SLC39A9: variants seen among roughly 807,000 people sequenced by gnomAD.
SLC39A9 encodes the protein zinc transporter ZIP9.
Under a neutral mutation model 28.4 loss-of-function variants are expected in SLC39A9, and 14 were observed. That is an observed-to-expected ratio of 0.49 (90% confidence interval 0.33 to 0.77). The LOEUF (loss-of-function observed/expected upper bound fraction) is 0.77, where lower values mean the gene tolerates loss of function less well. Among genes scored for constraint, SLC39A9 ranks in the 30% least tolerant of loss-of-function variants. The probability of loss-of-function intolerance (pLI) is 0.02; values close to 1 mark genes in which losing one functional copy is unlikely to be tolerated. For missense variants in SLC39A9, 283 were observed against 381.1 expected, an observed-to-expected ratio of 0.74 and a Z score of 2.14; for synonymous variants, 119 against 149.6, an observed-to-expected ratio of 0.80 and a Z score of 1.49.
At chr14:69,458,323 C>T in intron 6 of SLC39A9, 40 bp from the exon 7 acceptor site, 1 of 1,605,182 alleles carries the variant, frequency 6.2e-7, no homozygotes, top group Admixed American at 1.7e-5. Flanking sequence ...CTGAATTTTA[C>T]TTGACTTAGT....
intron 1 of SLC39A9, among the ~76,000 whole-genome samples, chr14:69,401,236 C>T (rs549140347): frequency 6.6e-6 from 1 of 152,280 alleles, no homozygotes; most frequent in African/African-American, 2.4e-5. Context: ...ACCAGTATTT[C>T]CTAGAGGCAA....
rs958638314 is a variant in SLC39A9 at position 69,437,146 on chromosome 14, C to T, written c.206-4923C>T. ...CCTCCCAAAGTGCTGGGATTACAAG[C>T]GTGAGCCACCGCGCCCGGCCTGGGA... On this transcript the variant is annotated intron_variant, in intron 2 of 6. Transcript: ENST00000336643. Among the ~76,000 whole-genome samples, 4 of 152,122 alleles carry T rather than the reference C, an allele frequency of 2.6e-5. No homozygotes were observed. The South Asian group carries it at 6.2e-4, about 24-fold the overall frequency.
At chr14:69,444,381 G>A (rs760158329) in intron 3 of SLC39A9, among the ~76,000 whole-genome samples, 2 of 152,028 alleles carry the variant, frequency 1.3e-5, no homozygotes, top group South Asian at 2.1e-4. Context: ...ACAGATAATC[G>A]CAATAAGATA....
chr14:69,408,958 A>AT (rs1229398567), intron 1 of SLC39A9, among the ~76,000 whole-genome samples: 4 of 152,340 alleles, frequency 2.6e-5, no homozygotes, highest in Non-Finnish European at 4.4e-5. Context: ...GTCAACTGAT[A>AT]TGTCAGGTTC....
At chr14:69,401,249 G>T (rs1184512718) in intron 1 of SLC39A9, among the ~76,000 whole-genome samples, 2 of 152,168 alleles carry the variant, frequency 1.3e-5, no homozygotes, top group African/African-American at 4.8e-5. Context: ...AGAGGCAAAG[G>T]TTGGGTCGGG....
chr14:69,434,233 A>G (rs1884635641), intron 2 of SLC39A9, among the ~76,000 whole-genome samples: 1 of 149,852 alleles, frequency 6.7e-6, no homozygotes, highest in Non-Finnish European at 1.5e-5. Flanking sequence ...ACAGGCGCCC[A>G]CCACCGCGTC....
chr14:69,448,236 A>C (rs1387625341), intron 3 of SLC39A9, among the ~76,000 whole-genome samples: 3 of 137,646 alleles, frequency 2.2e-5, no homozygotes, highest in African/African-American at 2.7e-5. Context: ...AAAAAAAAGC[A>C]CAAAAAAAAA....
At chr14:69,435,238 C>G (rs1026237755) in intron 2 of SLC39A9, among the ~76,000 whole-genome samples, 17 of 152,084 alleles carry the variant, frequency 1.1e-4, no homozygotes, top group Admixed American at 1.1e-3. Flanking sequence ...GGTTAGGTAC[C>G]TACATGTTTA....
At position 69,460,756 on chromosome 14, in the gene SLC39A9, A is replaced by G. The variant is rs764990856; in HGVS notation, c.*2163A>G. ...GCCTTCCCCTCTGGACCTCACTATT[A>G]ACAAGCAAACCTTTCAGGGCCCTCT... On this transcript the variant is annotated 3_prime_UTR_variant, in exon 7 of 7. Transcript: ENST00000336643. 6 of 985,492 alleles carry G rather than the reference A, an allele frequency of 6.1e-6. No homozygotes were observed. Among genetic ancestry groups the G allele is most frequent in the Non-Finnish European group, 7.2e-6 (6 of 829,952 alleles). The allele number at this position is 985,492 out of a possible 1,614,324, so 61.0% of individuals were successfully genotyped here.
At position 69,461,870 on chromosome 14, in the gene SLC39A9, C is replaced by A; in HGVS notation, c.*3277C>A. 1.2e-6 allele frequency: 1 copy of A among 859,306 alleles called. No individual in the cohort carries two copies. The allele number at this position is 859,306 out of a possible 1,614,324, so 53.2% of individuals were successfully genotyped here. ...ACTGAGAATCATGACCAGATTCATC[C>A]AGAACTGCTGCAGTGTTAAGTGAAA... On this transcript the variant is annotated 3_prime_UTR_variant, in exon 7 of 7. Coordinates refer to ENST00000336643, the MANE Select transcript of SLC39A9 (RefSeq NM_018375.5).
intron 1 of SLC39A9, among the ~76,000 whole-genome samples, chr14:69,418,600 A>G (rs1883704204): frequency 1.3e-5 from 2 of 151,682 alleles, no homozygotes; most frequent in Non-Finnish European, 2.9e-5. Flanking sequence ...GTGAATCTGT[A>G]CCTCTGCTAG....
At chr14:69,440,157 A>G (rs558863217) in intron 2 of SLC39A9, among the ~76,000 whole-genome samples, 75 of 152,212 alleles carry the variant, frequency 4.9e-4, no homozygotes, top group African/African-American at 1.7e-3. Flanking sequence ...ACCATGTAGT[A>G]CACCTGTAAA....
intron 2 of SLC39A9, chr14:69,428,954 C>T (rs776253553): frequency 1.1e-4 from 17 of 152,290 alleles, no homozygotes; most frequent in Non-Finnish European, 1.9e-4. Flanking sequence ...CAGAGTCCTC[C>T]ACCACGACAA....
intron 3 of SLC39A9, among the ~76,000 whole-genome samples, chr14:69,448,279 C>T (rs1431077632): frequency 6.9e-6 from 1 of 145,006 alleles, no homozygotes; most frequent in Non-Finnish European, 1.5e-5. Context: ...ACCCAAAAGA[C>T]ATTTTGCAGT....
chr14:69,405,634 AT>A (rs1362742187), intron 1 of SLC39A9, among the ~76,000 whole-genome samples: 1 of 152,156 alleles, frequency 6.6e-6, no homozygotes, highest in Non-Finnish European at 1.5e-5. Flanking sequence ...ATCTCAGTAA[AT>A]TTATCCATAT....
intron 2 of SLC39A9, 121 bp from the exon 3 acceptor site, chr14:69,441,948 A>G (rs1200438573): frequency 3.5e-6 from 5 of 1,439,292 alleles, no homozygotes; most frequent in Non-Finnish European, 4.5e-6. Flanking sequence ...ATTACAATAT[A>G]AAAAGTGGAT....
At chr14:69,418,134 G>A (rs554318490) in intron 1 of SLC39A9, among the ~76,000 whole-genome samples, 1 of 152,064 alleles carries the variant, frequency 6.6e-6, no homozygotes, top group Non-Finnish European at 1.5e-5. Flanking sequence ...TTTGAGGTAC[G>A]TCCCATCAGT....
chr14:69,416,731 A>G (rs1441471587), intron 1 of SLC39A9, among the ~76,000 whole-genome samples: 1 of 152,204 alleles, frequency 6.6e-6, no homozygotes, highest in Non-Finnish European at 1.5e-5. Flanking sequence ...AGTGATGATG[A>G]GCATTTTTTC....
intron 2 of SLC39A9, chr14:69,441,780 C>T: frequency 3.6e-6 from 4 of 1,104,180 alleles, no homozygotes; most frequent in East Asian, 1.2e-4. Context: ...GGATGGTGTC[C>T]CTTTGGGAAT....
Sources: gnomAD v4.1 joint callset for allele counts (sites outside exome capture counted in the v4.1 genomes callset) on GRCh38, gnomAD v4.1.1 for gene constraint, MANE v1.5 for transcripts, NCBI Gene and HGNC (gene_info 2026-07-23, HGNC 2026-07-21) for gene names.